SPTBN1: variants seen among roughly 807,000 people sequenced by gnomAD.
SPTBN1 encodes spectrin beta chain, non-erythrocytic 1.
Under a neutral mutation model 266.4 loss-of-function variants are expected in SPTBN1, and 32 were observed. The ratio of observed to expected loss-of-function variants is 0.12; its 90% CI spans 0.09 to 0.16. The LOEUF (loss-of-function observed/expected upper bound fraction) is 0.16, where lower values mean the gene tolerates loss of function less well. Ranked by LOEUF, SPTBN1 falls within the 10% of genes least tolerant of loss-of-function variation. SPTBN1 has a pLI of 1.00. For synonymous variants in SPTBN1, 1,336 were observed against 1,162.2 expected (o/e 1.15, Z -3.04); for missense variants, 2,296 against 3,067.1 (o/e 0.75, Z 5.94).
At chr2:54,658,669 A>G (rs1393711449) in intron 30 of SPTBN1, among the ~76,000 whole-genome samples, 1 of 152,228 alleles carries the variant, frequency 6.6e-6, no homozygotes, top group Non-Finnish European at 1.5e-5. Flanking sequence ...CATATGACTC[A>G]TGAAATGGCT....
chr2:54,487,170 C>CTTTTT (rs34779689), intron 1 of SPTBN1, among the ~76,000 whole-genome samples: 71 of 98,506 alleles, frequency 7.2e-4, no homozygotes, highest in African/African-American at 2.6e-3. Context: ...ATTAGGATTT[C>CTTTTT]TTTTTTTTTT....
intron 2 of SPTBN1, among the ~76,000 whole-genome samples, chr2:54,595,809 G>T (rs779174417): frequency 1.3e-5 from 2 of 152,120 alleles, no homozygotes; most frequent in East Asian, 1.9e-4. Flanking sequence ...CCTGTGTACC[G>T]CAGGATGTTA....
chr2:54,612,436 C>G (rs1279558024), intron 4 of SPTBN1, 102 bp downstream of exon 4: 38 of 1,335,086 alleles, frequency 2.8e-5, no homozygotes, highest in Non-Finnish European at 3.7e-5. Context: ...TCGGGAAGAC[C>G]AGGTTGAAAG....
intron 2 of SPTBN1, among the ~76,000 whole-genome samples, chr2:54,575,519 A>G (rs941793809): frequency 2.6e-5 from 4 of 152,248 alleles, no homozygotes; most frequent in Non-Finnish European, 5.9e-5. Flanking sequence ...TGGATACGGT[A>G]TTTGGTAAAA....
chr2:54,488,652 G>C (rs1668532281), intron 1 of SPTBN1, among the ~76,000 whole-genome samples: 2 of 151,924 alleles, frequency 1.3e-5, no homozygotes, highest in South Asian at 4.1e-4. Flanking sequence ...GCTTCTTTGT[G>C]ATTTAGTTTC....
chr2:54,481,494 T>C (rs970860270), intron 1 of SPTBN1, among the ~76,000 whole-genome samples: 1 of 151,954 alleles, frequency 6.6e-6, no homozygotes, highest in Non-Finnish European at 1.5e-5. Flanking sequence ...ATGATGCCTC[T>C]GTTAAACCAA....
intron 35 of SPTBN1, among the ~76,000 whole-genome samples, 184 bp from the exon 36 acceptor site, chr2:54,668,167 C>T (rs1681493269): frequency 6.6e-6 from 1 of 152,186 alleles, no homozygotes; most frequent in Admixed American, 6.5e-5. Flanking sequence ...ACTGAATTCT[C>T]ATGAGAAGCT....
intron 2 of SPTBN1, among the ~76,000 whole-genome samples, chr2:54,578,749 GGTGTGTGTGTGTGT>G (rs34536803): frequency 1.4e-4 from 20 of 147,628 alleles, no homozygotes; most frequent in African/African-American, 4.2e-4. Flanking sequence ...CTTCTGATGG[GGTGTGTGTGTGTGT>G]GTGTGTGTGT....
chr2:54,564,839 C>T (rs1193480949), intron 2 of SPTBN1, among the ~76,000 whole-genome samples: 1 of 152,186 alleles, frequency 6.6e-6, no homozygotes, highest in African/African-American at 2.4e-5. Context: ...TGTTACAGTT[C>T]CAGTCTTTGT....
chr2:54,576,074 A>T (rs28517733), intron 2 of SPTBN1, among the ~76,000 whole-genome samples: 11,425 of 93,688 alleles, frequency 0.12, 3,212 homozygotes, highest in African/African-American at 0.42. Context: ...TTTTTTTTTG[A>T]GAGACAGTCT....
chr2:54,660,977 G>C (rs1681001739), intron 32 of SPTBN1: 1 of 985,316 alleles, frequency 1.0e-6, no homozygotes, highest in Non-Finnish European at 1.2e-6. Context: ...AAATGGAACA[G>C]AAGCCATTGT....
Position 54,649,686 on chromosome 2 carries a change from C to T in SPTBN1, c.5274C>T (p.Val1758=). 1 of 1,614,140 alleles carries T rather than the reference C, an allele frequency of 6.2e-7. No homozygotes were observed. The highest frequency in any genetic ancestry group is 1.7e-5 in the Admixed American group (1 of 60,024). Residue 1758 remains valine, a synonymous_variant, in exon 26 of 36, where the codon GTC becomes GTT. Transcript: ENST00000356805. The surrounding 1 kb of genome is among the most constrained non-coding windows in gnomAD (Gnocchi z 6.7). ...TTGGGCAGGAGCGCGTGGACACGGT[C>T]AATCACCTGGCAGATGAGCTCATCA... The part of the protein sequence containing the change: ...GNIGQERVDT[V]NHLADELINS...
intron 35 of SPTBN1, among the ~76,000 whole-genome samples, chr2:54,668,120 C>A (rs762779879): frequency 6.6e-6 from 1 of 152,192 alleles, no homozygotes; most frequent in Non-Finnish European, 1.5e-5. Flanking sequence ...CCAGCTGTTA[C>A]AAGTTTGTAG....
At chr2:54,561,703 T>C (rs1673310173) in intron 2 of SPTBN1, among the ~76,000 whole-genome samples, 1 of 141,012 alleles carries the variant, frequency 7.1e-6, no homozygotes, top group South Asian at 2.1e-4. Flanking sequence ...TATAAATTTA[T>C]AGTTTAAATA....
chr2:54,625,151 A>G (rs968916608), intron 11 of SPTBN1, among the ~76,000 whole-genome samples, 189 bp downstream of exon 11: 2 of 152,140 alleles, frequency 1.3e-5, no homozygotes, highest in Non-Finnish European at 2.9e-5. Context: ...CTATTTATCT[A>G]ACTTTTCATA....
At chr2:54,622,720 A>G (rs1399471760) in intron 9 of SPTBN1, among the ~76,000 whole-genome samples, 1 of 152,210 alleles carries the variant, frequency 6.6e-6, no homozygotes, top group Non-Finnish European at 1.5e-5. Context: ...TGAGAATTCC[A>G]AGAAATGGTA....
At chr2:54,642,096 C>G (rs997237640) in intron 18 of SPTBN1, among the ~76,000 whole-genome samples, 7 of 152,266 alleles carry the variant, frequency 4.6e-5, no homozygotes, top group Middle Eastern at 3.4e-3. Context: ...AAAGCTCTTC[C>G]TAGGTTAGCA....
intron 17 of SPTBN1, among the ~76,000 whole-genome samples, chr2:54,634,710 C>T (rs537645800): frequency 5.3e-5 from 8 of 152,300 alleles, no homozygotes; most frequent in Non-Finnish European, 1.0e-4. Flanking sequence ...CTCGAAACAT[C>T]CTGACACTGT....
intron 2 of SPTBN1, among the ~76,000 whole-genome samples, chr2:54,582,802 GT>G (rs1451422417): frequency 3.3e-5 from 5 of 152,174 alleles, no homozygotes; most frequent in Non-Finnish European, 7.3e-5. Flanking sequence ...CTGTAGAGTG[GT>G]GGGGGCTATC....
Sources: gnomAD v4.1 joint callset for allele counts (sites outside exome capture counted in the v4.1 genomes callset) on GRCh38, gnomAD v4.1.1 for gene constraint, Gnocchi (gnomAD v3.1) non-coding constraint, MANE v1.5 for transcripts, NCBI Gene and HGNC (gene_info 2026-07-23, HGNC 2026-07-21) for gene names.